The following SERPINB5 variants were observed in gnomAD, a reference collection of about 807,000 sequenced individuals.
SERPINB5 encodes the protein serpin B5.
Under a neutral mutation model 32.2 loss-of-function variants are expected in SERPINB5, and 27 were observed. The observed-to-expected ratio is 0.84, with a 90% CI of 0.62 to 1.16. The LOEUF is 1.16. Ranked by LOEUF, SERPINB5 falls within the 50% of genes most tolerant of loss-of-function variation. SERPINB5 has a pLI of 0.00. For synonymous variants in SERPINB5, 154 were observed against 157.4 expected (o/e 0.98, Z 0.16); for missense variants, 388 against 436.3 (o/e 0.89, Z 0.99).
intron 6 of SERPINB5, among the ~76,000 whole-genome samples, chr18:63,501,791 C>T (rs1235718189): frequency 1.3e-5 from 2 of 152,136 alleles, no homozygotes; most frequent in Non-Finnish European, 2.9e-5. Context: ...TCTCTGATGG[C>T]CAGTGATGAT....
chr18:63,480,589 T>G (rs1448664893), intron 1 of SERPINB5, among the ~76,000 whole-genome samples: 1 of 152,244 alleles, frequency 6.6e-6, no homozygotes, highest in Non-Finnish European at 1.5e-5. Context: ...GAAGTTTGTA[T>G]TTTTTCCAGG....
chr18:63,497,224 G>T (rs887444157), intron 5 of SERPINB5: 4 of 742,270 alleles, frequency 5.4e-6, no homozygotes, highest in East Asian at 2.9e-5. Context: ...CACAGTTGGT[G>T]TGGTTGGTTC....
At chr18:63,491,603 T>C (rs1296758462) in intron 4 of SERPINB5, among the ~76,000 whole-genome samples, 2 of 151,458 alleles carry the variant, frequency 1.3e-5, no homozygotes, top group Non-Finnish European at 2.9e-5. Context: ...GCCTCCCAAG[T>C]AGCTGGGGCT....
intron 4 of SERPINB5, among the ~76,000 whole-genome samples, chr18:63,490,166 T>G (rs1909295943): frequency 6.6e-6 from 1 of 152,002 alleles, no homozygotes; most frequent in Non-Finnish European, 1.5e-5. Context: ...CACTCCAGCC[T>G]GGGCGACAGA....
At chr18:63,490,061 G>A (rs1275455202) in intron 4 of SERPINB5, among the ~76,000 whole-genome samples, 2 of 152,044 alleles carry the variant, frequency 1.3e-5, no homozygotes, top group Non-Finnish European at 2.9e-5. Context: ...GCGTGGTGGC[G>A]GGCGCCTGTA....
chr18:63,483,627 T>A (rs1307976924), intron 1 of SERPINB5, among the ~76,000 whole-genome samples: 1 of 152,264 alleles, frequency 6.6e-6, no homozygotes, highest in Non-Finnish European at 1.5e-5. Flanking sequence ...TCTTGGTTTC[T>A]GGTGTTGCCA....
intron 5 of SERPINB5, among the ~76,000 whole-genome samples, chr18:63,494,792 T>C (rs1275754462): frequency 6.6e-6 from 1 of 152,232 alleles, no homozygotes; most frequent in Non-Finnish European, 1.5e-5. Flanking sequence ...GAAATCTGTT[T>C]ACTTACATAG....
chr18:63,497,736 C>T (rs1909481735), intron 5 of SERPINB5, among the ~76,000 whole-genome samples: 1 of 152,072 alleles, frequency 6.6e-6, no homozygotes, highest in South Asian at 2.1e-4. Flanking sequence ...AAAAATATAA[C>T]AACAGTTGCA....
chr18:63,486,821 A>G (rs1917220989), intron 2 of SERPINB5, 125 bp from the exon 3 acceptor site: 11 of 936,358 alleles, frequency 1.2e-5, no homozygotes, highest in Admixed American at 2.2e-5. Flanking sequence ...GAGGAGCCTT[A>G]CTTTACGGGA....
intron 1 of SERPINB5, among the ~76,000 whole-genome samples, chr18:63,478,114 C>T (rs1444683880): frequency 6.6e-6 from 1 of 152,184 alleles, no homozygotes; most frequent in Non-Finnish European, 1.5e-5. Context: ...GGAGATGAAG[C>T]CTGTCTGAGG....
rs575080365 is a variant in SERPINB5 at position 63,484,364 on chromosome 18, G to A, written c.-7-58G>A. 5.4e-6 allele frequency: 8 copies of A among 1,480,178 alleles called. No individual in the cohort carries two copies. The African/African-American group carries it at 9.9e-5, about 18-fold the overall frequency. 91.7% of individuals were successfully genotyped at this position (1,480,178 alleles called of 1,614,324 possible). The stretch of plus-strand genomic sequence containing the variant: ...ATTCTTATAGTGTTGGCAGAATGCA[G>A]TTGAGAAGACGTTAAAGATGCTTTA... On this transcript the variant is annotated intron_variant, in intron 1 of 6. Coordinates refer to ENST00000382771, the MANE Select transcript of SERPINB5 (RefSeq NM_002639.5).
At chr18:63,488,857 G>A (rs1479039004) in intron 3 of SERPINB5, among the ~76,000 whole-genome samples, 6 of 152,268 alleles carry the variant, frequency 3.9e-5, no homozygotes, top group Admixed American at 1.3e-4. Context: ...TGTCTGGGGT[G>A]GGGTCTGAGA....
intron 3 of SERPINB5, among the ~76,000 whole-genome samples, chr18:63,488,155 T>C (rs1917243252): frequency 6.6e-6 from 1 of 152,216 alleles, no homozygotes; most frequent in Non-Finnish European, 1.5e-5. Flanking sequence ...TTCATCTGGC[T>C]GAGGCTTTCT....
At chr18:63,499,437 T>C in intron 6 of SERPINB5, 150 bp downstream of exon 6, 1 of 602,618 alleles carries the variant, frequency 1.7e-6, no homozygotes, top group Non-Finnish European at 2.6e-6. Context: ...TGGTTCTTTC[T>C]GGGGCCTTTC....
chr18:63,477,573 TCG>T (rs1273623678), intron 1 of SERPINB5, among the ~76,000 whole-genome samples: 1 of 152,200 alleles, frequency 6.6e-6, no homozygotes, highest in African/African-American at 2.4e-5. Context: ...AAGCATCAGA[TCG>T]CTGTTCATCT....
At chr18:63,501,934 C>T (rs1476069819) in intron 6 of SERPINB5, among the ~76,000 whole-genome samples, 2 of 152,082 alleles carry the variant, frequency 1.3e-5, no homozygotes, top group Non-Finnish European at 2.9e-5. Flanking sequence ...TTTGTAGATT[C>T]TGGATATTAG....
Position 63,499,212 on chromosome 18 carries a change from T to A in SERPINB5, c.660T>A (p.Pro220=). ...TCAATTGTAAGATCATAGAGCTTCC[T>A]TTTCAAAATAAGCATCTCAGCATGT... The part of the protein sequence containing the change: ...DSINCKIIEL[P]FQNKHLSMFI... The change falls in exon 6 of 7, where the codon CCT becomes CCA. Residue 220 remains proline, a synonymous_variant. Coordinates refer to ENST00000382771, the MANE Select transcript of SERPINB5 (RefSeq NM_002639.5). 2 of 1,602,026 alleles carry A rather than the reference T, an allele frequency of 1.2e-6. No homozygotes were observed. The highest frequency in any genetic ancestry group is 1.7e-6 in the Non-Finnish European group (2 of 1,173,812).
chr18:63,481,038 T>C (rs1323471109), intron 1 of SERPINB5, among the ~76,000 whole-genome samples: 1 of 152,194 alleles, frequency 6.6e-6, no homozygotes, highest in Non-Finnish European at 1.5e-5. Flanking sequence ...AAAGGGAAGG[T>C]CCGCCAATGG....
chr18:63,502,392 C>T (rs1909588333), intron 6 of SERPINB5, among the ~76,000 whole-genome samples: 1 of 152,112 alleles, frequency 6.6e-6, no homozygotes, highest in South Asian at 2.1e-4. Context: ...ACCTCGGCTT[C>T]CCAAAGTGCT....
Sources: gnomAD v4.1 joint callset for allele counts (sites outside exome capture counted in the v4.1 genomes callset) on GRCh38, gnomAD v4.1.1 for gene constraint, MANE v1.5 for transcripts, NCBI Gene and HGNC (gene_info 2026-07-23, HGNC 2026-07-21) for gene names.